CSMD1: variants seen among roughly 807,000 people sequenced by gnomAD.
The protein encoded by CSMD1 is CUB and Sushi multiple domains 1, also known as CUB and sushi domain-containing protein 1.
In CSMD1, 213 loss-of-function variants were observed where a neutral mutation model predicts 417.5. That is an observed-to-expected ratio of 0.51 (90% CI 0.46 to 0.57). The LOEUF (loss-of-function observed/expected upper bound fraction) is 0.57, where lower values mean the gene tolerates loss of function less well. CSMD1 is among the 20% of genes least tolerant of loss of function. CSMD1 has a pLI of 0.00. For missense variants in CSMD1, 6,923 were observed against 4,529.7 expected (o/e 1.53, Z -15.17); for synonymous variants, 2,862 against 1,736.8 (o/e 1.65, Z -16.11).
chr8:4,475,067 G>A (rs145635953), intron 2 of CSMD1, among the ~76,000 whole-genome samples: 2 of 152,186 alleles, frequency 1.3e-5, no homozygotes, highest in African/African-American at 2.4e-5. Context: ...TGTTATTCAA[G>A]GATTAACTGT....
At chr8:4,282,438 C>A (rs1796839613) in intron 3 of CSMD1, among the ~76,000 whole-genome samples, 1 of 152,136 alleles carries the variant, frequency 6.6e-6, no homozygotes, top group Non-Finnish European at 1.5e-5. Flanking sequence ...CAAGCAAGGT[C>A]CTATTGCCAG....
At chr8:4,106,183 G>C (rs1474548344) in intron 3 of CSMD1, among the ~76,000 whole-genome samples, 4 of 152,260 alleles carry the variant, frequency 2.6e-5, no homozygotes, top group African/African-American at 4.8e-5. Context: ...GTGCCTGATG[G>C]ACACCCGGAG....
At chr8:3,492,408 G>C (rs1818434589) in intron 11 of CSMD1, among the ~76,000 whole-genome samples, 1 of 152,128 alleles carries the variant, frequency 6.6e-6, no homozygotes, top group Non-Finnish European at 1.5e-5. Context: ...ATCCTCAGTA[G>C]TATATAAGTA....
At chr8:3,653,489 A>G (rs1797959751) in intron 7 of CSMD1, among the ~76,000 whole-genome samples, 1 of 152,066 alleles carries the variant, frequency 6.6e-6, no homozygotes, top group Non-Finnish European at 1.5e-5. Flanking sequence ...TCATATTTTT[A>G]ATAGAGATAG....
At chr8:3,504,835 G>C (rs1310329221) in intron 10 of CSMD1, among the ~76,000 whole-genome samples, 1 of 152,174 alleles carries the variant, frequency 6.6e-6, no homozygotes. Context: ...TTTCAAGAGA[G>C]TAGCAAGTTG....
At chr8:4,801,594 T>C (rs1798288645) in intron 1 of CSMD1, among the ~76,000 whole-genome samples, 1 of 152,202 alleles carries the variant, frequency 6.6e-6, no homozygotes, top group African/African-American at 2.4e-5. Context: ...TCTCAGTTAG[T>C]GAGCACCTCT....
At chr8:4,517,318 G>A (rs976711821) in intron 2 of CSMD1, among the ~76,000 whole-genome samples, 1 of 152,168 alleles carries the variant, frequency 6.6e-6, no homozygotes, top group African/African-American at 2.4e-5. Flanking sequence ...GGCAGGCCCC[G>A]CTGTGAATGT....
intron 23 of CSMD1, among the ~76,000 whole-genome samples, chr8:3,325,805 C>T (rs1382511162): frequency 1.3e-5 from 2 of 152,166 alleles, no homozygotes. Context: ...GCCTGGGCGA[C>T]AGAGTGAGGC....
At chr8:3,162,015 C>A in intron 38 of CSMD1, 144 bp downstream of exon 38, 1 of 591,114 alleles carries the variant, frequency 1.7e-6, no homozygotes. Context: ...ACGAAGATGA[C>A]CAACATGCAT....
At chr8:4,252,465 A>G (rs1803146224) in intron 3 of CSMD1, among the ~76,000 whole-genome samples, 1 of 152,206 alleles carries the variant, frequency 6.6e-6, no homozygotes, top group Non-Finnish European at 1.5e-5. Context: ...CTTGAGTTAC[A>G]CTCTAATACA....
rs147717027 is a variant in CSMD1, at chr8:4,189,985, G to A, written c.416-157886C>T. Reference sequence around the variant, plus strand: ...GCTTAAAAGCAGAGACTCGCCAGGTGTGGTGGCTCACGCCTGAAATCCCAG... The same window carrying A: ...GCTTAAAAGCAGAGACTCGCCAGGTATGGTGGCTCACGCCTGAAATCCCAG... On this transcript the variant is annotated intron_variant, in intron 3 of 69. Transcript: ENST00000635120. Among the ~76,000 whole-genome samples, 1,185 of 152,098 alleles carry A rather than the reference G, an allele frequency of 7.8e-3. 54 individuals are homozygous for A. The highest frequency in any genetic ancestry group is 0.066 in the Admixed American group (1,015 of 15,270).
intron 3 of CSMD1, among the ~76,000 whole-genome samples, chr8:4,169,411 C>G (rs1183136484): frequency 1.3e-5 from 2 of 152,148 alleles, no homozygotes; most frequent in East Asian, 1.9e-4. Context: ...AAATACTCGT[C>G]TTTTTCTCAC....
intron 5 of CSMD1, among the ~76,000 whole-genome samples, chr8:3,919,561 G>C (rs961107919): frequency 3.9e-5 from 6 of 152,026 alleles, no homozygotes; most frequent in Non-Finnish European, 7.4e-5. Context: ...TTGATATCAG[G>C]ACATGTGATG....
intron 2 of CSMD1, among the ~76,000 whole-genome samples, chr8:4,440,723 T>C (rs991693543): frequency 2.0e-5 from 3 of 152,144 alleles, no homozygotes; most frequent in African/African-American, 7.2e-5. Context: ...TGGCCGGGTG[T>C]GGTGGTTCAT....
At chr8:4,380,274 G>C (rs1027279902) in intron 3 of CSMD1, among the ~76,000 whole-genome samples, 2 of 152,128 alleles carry the variant, frequency 1.3e-5, no homozygotes, top group Admixed American at 1.3e-4. Context: ...CCTCTGCCAG[G>C]TGACTAAGGT....
chr8:2,977,642 A>G (rs1244633499), intron 55 of CSMD1, among the ~76,000 whole-genome samples: 1 of 152,220 alleles, frequency 6.6e-6, no homozygotes, highest in Non-Finnish European at 1.5e-5. Context: ...GTGAACACAC[A>G]ACCAACAGAA....
At chr8:3,015,332 A>C (rs1426250355) in intron 52 of CSMD1, among the ~76,000 whole-genome samples, 1 of 152,108 alleles carries the variant, frequency 6.6e-6, no homozygotes, top group East Asian at 1.9e-4. Flanking sequence ...TCTTGCAGAA[A>C]ATCTGGTATA....
At chr8:3,968,774 G>A (rs1243332462) in intron 5 of CSMD1, among the ~76,000 whole-genome samples, 1 of 152,078 alleles carries the variant, frequency 6.6e-6, no homozygotes, top group Non-Finnish European at 1.5e-5. Context: ...AAGATGGGTG[G>A]GGATTTGTAA....
intron 3 of CSMD1, among the ~76,000 whole-genome samples, chr8:4,253,762 A>T (rs184610737): frequency 6.6e-6 from 1 of 152,046 alleles, no homozygotes; most frequent in Non-Finnish European, 1.5e-5. Context: ...TACTTGAAAA[A>T]AAAAACAGCT....
Sources: allele counts gnomAD v4.1 joint callset (sites outside exome capture counted in the v4.1 genomes callset), GRCh38; gene constraint gnomAD v4.1.1; transcripts MANE v1.5; gene names NCBI Gene and HGNC (gene_info 2026-07-23, HGNC 2026-07-21).